Variants in CRISPLD2 observed in about 807,000 individuals in gnomAD.
CRISPLD2 encodes cysteine rich secretory protein LCCL domain containing 2, also known as cysteine-rich secretory protein LCCL domain-containing 2.
Under a neutral mutation model 71.1 loss-of-function variants are expected in CRISPLD2, and 47 were observed. That is an observed-to-expected ratio of 0.66 (90% CI 0.52 to 0.84). The LOEUF (loss-of-function observed/expected upper bound fraction) is 0.84. Among genes scored for constraint, CRISPLD2 ranks in the 40% least tolerant of loss-of-function variants. The pLI, the probability that CRISPLD2 is intolerant of heterozygous loss-of-function variation, is 0.00. For synonymous variants in CRISPLD2, 317 were observed against 250.1 expected (o/e 1.27, Z -2.52); for missense variants, 830 against 651.1 (o/e 1.27, Z -2.99).
Position 84,907,932 on chromosome 16 carries a change from G to A in CRISPLD2, c.*1290G>A, listed in dbSNP as rs921724366. The A allele has an allele frequency of 6.6e-6, 1 of 152,204 alleles. No individual in the cohort carries two copies. The highest frequency in any genetic ancestry group is 2.4e-5 in the African/African-American group (1 of 41,462). The allele number at this position is 152,204 out of a possible 1,614,324, so 9.4% of individuals were successfully genotyped here. A position where few individuals can be genotyped will look rare whatever the true frequency, so the allele number is the denominator to read the frequency against. On this transcript the variant is annotated 3_prime_UTR_variant, in exon 15 of 15. Transcript: ENST00000262424. ...CCAGACCAAAAGCCCACAGTGAAAT[G>A]AAGTACCCTTTTGTAAATAGCATTT...
intron 1 of CRISPLD2, among the ~76,000 whole-genome samples, chr16:84,824,294 C>G (rs2143129197): frequency 6.6e-6 from 1 of 152,314 alleles, no homozygotes; most frequent in African/African-American, 2.4e-5. Context: ...TTGTGATGAG[C>G]TGTACCACTT....
At chr16:84,881,154 G>C (rs1407624970) in intron 13 of CRISPLD2, among the ~76,000 whole-genome samples, 1 of 152,164 alleles carries the variant, frequency 6.6e-6, no homozygotes, top group Non-Finnish European at 1.5e-5. Context: ...CAGTTTGAAG[G>C]CTCTCATGCT....
At chr16:84,838,857 C>T (rs1217481768) in intron 2 of CRISPLD2, 122 bp downstream of exon 2, 1 of 1,273,074 alleles carries the variant, frequency 7.9e-7, no homozygotes, top group South Asian at 1.3e-5. Context: ...CTCAGGGTCT[C>T]CTCTGGCAGG....
At chr16:84,847,991 T>C (rs1916962548) in intron 3 of CRISPLD2, among the ~76,000 whole-genome samples, 1 of 152,236 alleles carries the variant, frequency 6.6e-6, no homozygotes, top group Non-Finnish European at 1.5e-5. Context: ...TTGTCTCACT[T>C]GAATGATTTC....
At chr16:84,894,447 C>T (rs1313579741) in intron 14 of CRISPLD2, among the ~76,000 whole-genome samples, 1 of 152,186 alleles carries the variant, frequency 6.6e-6, no homozygotes, top group African/African-American at 2.4e-5. Flanking sequence ...GGTGCACAGC[C>T]ATCTGAATCG....
Position 84,877,443 on chromosome 16 carries a change from G to C in CRISPLD2, c.1162G>C (p.Asp388His). 6.2e-7 allele frequency: 1 copy of C among 1,613,800 alleles called. No individual in the cohort carries two copies. The highest frequency in any genetic ancestry group is 1.3e-5 in the African/African-American group (1 of 75,020). Residue 388 changes from aspartate (D) to histidine (H), a missense_variant, in exon 12 of 15, where the codon GAT (aspartate) becomes CAT (histidine). Transcript: ENST00000262424. Reference protein sequence around the residue: ...SFMVSKVKVQDLDCYTTVAQL... With the variant: ...SFMVSKVKVQHLDCYTTVAQL... Reference sequence around the variant, plus strand: ...CCCCTTGCTCCTGTTCACAGTGCAGGATTTGGACTGCTACACGACCGTTGC... The same window carrying C: ...CCCCTTGCTCCTGTTCACAGTGCAGCATTTGGACTGCTACACGACCGTTGC...
At chr16:84,875,247 AT>A (rs2071507411) in intron 11 of CRISPLD2, among the ~76,000 whole-genome samples, 1 of 130,130 alleles carries the variant, frequency 7.7e-6, no homozygotes, top group Non-Finnish European at 1.6e-5. Flanking sequence ...TCTCAAAAAA[AT>A]ATATACATAT....
chr16:84,896,040 CTTTTT>C (rs540789413), intron 14 of CRISPLD2, among the ~76,000 whole-genome samples: 1 of 140,264 alleles, frequency 7.1e-6, no homozygotes, highest in Admixed American at 7.2e-5. Flanking sequence ...GATTGGAATC[CTTTTT>C]TTTTTTTTTT....
At position 84,854,807 on chromosome 16, in the gene CRISPLD2, C is replaced by T; in HGVS notation, c.687C>T (p.Cys229=). The T allele has an allele frequency of 6.2e-7, 1 of 1,614,048 alleles. No homozygotes were observed. The highest frequency in any genetic ancestry group is 8.5e-7 in the Non-Finnish European group (1 of 1,179,924). The part of the protein sequence containing the change: ...SECPPSYGGS[C]RNNLCYREET... The stretch of plus-strand genomic sequence containing the variant: ...GCCCACCCAGCTATGGAGGCAGCTG[C>T]AGGAACAACTTGTGTTACCGAGGTA... Residue 229 remains cysteine, a synonymous_variant, in exon 6 of 15, where the codon TGC becomes TGT. Transcript: ENST00000262424.
chr16:84,854,970 C>T (rs997356430), intron 6 of CRISPLD2, 141 bp downstream of exon 6: 19 of 684,158 alleles, frequency 2.8e-5, no homozygotes, highest in African/African-American at 1.2e-4. Flanking sequence ...ACATTCCTCC[C>T]GCCTCCGTGA....
At position 84,873,383 on chromosome 16, in the gene CRISPLD2, G is replaced by A. The variant is rs113439565; in HGVS notation, c.1112+261G>A. The A allele has an allele frequency of 1.0e-3, 262 of 250,556 alleles. 2 individuals are homozygous for A. The highest frequency in any genetic ancestry group is 5.4e-3 in the African/African-American group (235 of 43,490). The allele number at this position is 250,556 out of a possible 1,614,324, so 15.5% of individuals were successfully genotyped here. ...ATCCCAGCTACTCTCAGGAGGCTAC[G>A]GCAGAAGAACCGCTTGAGGCCGAGG... is the stretch of plus-strand genomic sequence containing the variant. On this transcript the variant is annotated intron_variant, in intron 10 of 14. Coordinates refer to ENST00000262424, the MANE Select transcript of CRISPLD2 (RefSeq NM_031476.4).
intron 1 of CRISPLD2, among the ~76,000 whole-genome samples, chr16:84,835,234 G>A (rs1916588217): frequency 6.6e-6 from 1 of 152,106 alleles, no homozygotes; most frequent in African/African-American, 2.4e-5. Flanking sequence ...GGGATTACAG[G>A]CAGGCGCCAC....
chr16:84,863,736 G>A (rs957378233), intron 6 of CRISPLD2, among the ~76,000 whole-genome samples: 15 of 152,118 alleles, frequency 9.9e-5, no homozygotes, highest in Non-Finnish European at 1.5e-4. Context: ...TTGGGAGGCT[G>A]AGGCGGGCAG....
At chr16:84,856,904 A>G (rs1181323775) in intron 6 of CRISPLD2, among the ~76,000 whole-genome samples, 1 of 152,212 alleles carries the variant, frequency 6.6e-6, no homozygotes. Context: ...GACGGTGGAT[A>G]TGGCATTCTG....
chr16:84,835,290 G>A (rs554806844), intron 1 of CRISPLD2, among the ~76,000 whole-genome samples: 27 of 152,200 alleles, frequency 1.8e-4, no homozygotes, highest in Admixed American at 1.0e-3. Context: ...GGGTTTCTCC[G>A]TGTTGGCCAG....
intron 4 of CRISPLD2, among the ~76,000 whole-genome samples, chr16:84,850,177 G>A (rs1180762425): frequency 6.6e-6 from 1 of 151,368 alleles, no homozygotes; most frequent in Non-Finnish European, 1.5e-5. Context: ...CGCAACCTCT[G>A]CCTCCTGGGT....
At chr16:84,831,579 T>C (rs1469910422) in intron 1 of CRISPLD2, among the ~76,000 whole-genome samples, 2 of 151,774 alleles carry the variant, frequency 1.3e-5, no homozygotes, top group Admixed American at 6.6e-5. Flanking sequence ...TTATTATTAT[T>C]ATTTTTAGTA....
chr16:84,904,456 C>T (rs1011148937), intron 14 of CRISPLD2, among the ~76,000 whole-genome samples: 1 of 152,018 alleles, frequency 6.6e-6, no homozygotes, highest in Non-Finnish European at 1.5e-5. Context: ...TGGTGGTGTG[C>T]ACCTGTAATC....
At chr16:84,878,701 G>T (rs981194698) in intron 12 of CRISPLD2, among the ~76,000 whole-genome samples, 1 of 152,180 alleles carries the variant, frequency 6.6e-6, no homozygotes, top group Non-Finnish European at 1.5e-5. Context: ...CTCTTGGGAA[G>T]GGAACACAGG....
Sources: gnomAD v4.1 joint callset for allele counts (sites outside exome capture counted in the v4.1 genomes callset) on GRCh38, gnomAD v4.1.1 for gene constraint, MANE v1.5 for transcripts, NCBI Gene and HGNC (gene_info 2026-07-23, HGNC 2026-07-21) for gene names.